Variants in ASTN2 observed in about 807,000 individuals in gnomAD.
ASTN2 encodes astrotactin 2, also known as astrotactin-2.
A neutral mutation model predicts 139.8 loss-of-function variants in ASTN2; 54 were observed. The ratio of observed to expected loss-of-function variants is 0.39; its 90% CI spans 0.31 to 0.48. The LOEUF (loss-of-function observed/expected upper bound fraction) is 0.48, where lower values mean the gene tolerates loss of function less well. Ranked by LOEUF, ASTN2 falls within the 20% of genes least tolerant of loss-of-function variation. The pLI, the probability that ASTN2 is intolerant of heterozygous loss-of-function variation, is 0.95. For missense variants in ASTN2, 1,565 were observed against 1,725.1 expected, an observed-to-expected ratio of 0.91 and a Z score of 1.64; for synonymous variants, 756 against 719.5, an observed-to-expected ratio of 1.05 and a Z score of -0.81.
intron 5 of ASTN2, among the ~76,000 whole-genome samples, chr9:117,092,362 A>G (rs1276562879): frequency 6.6e-6 from 1 of 151,998 alleles, no homozygotes; most frequent in Non-Finnish European, 1.5e-5. Flanking sequence ...CTCCTCTTAA[A>G]TCTCTACTTA....
chr9:116,961,379 C>T (rs964118305), intron 10 of ASTN2, among the ~76,000 whole-genome samples: 6 of 152,060 alleles, frequency 3.9e-5, no homozygotes, highest in African/African-American at 9.7e-5. Flanking sequence ...CTCCATTCTC[C>T]CCTCCCCCAA....
chr9:117,111,045 G>A (rs1349275934), intron 4 of ASTN2, among the ~76,000 whole-genome samples: 2 of 152,210 alleles, frequency 1.3e-5, no homozygotes, highest in African/African-American at 4.8e-5. Flanking sequence ...GATTTGAGCT[G>A]CTGCTCACCA....
At chr9:116,887,983 T>A (rs1251213441) in intron 10 of ASTN2, among the ~76,000 whole-genome samples, 1 of 152,204 alleles carries the variant, frequency 6.6e-6, no homozygotes. Flanking sequence ...GTGATTTACA[T>A]CTTAAAGGAT....
chr9:116,551,942 G>A (rs1852367638), intron 19 of ASTN2, among the ~76,000 whole-genome samples: 1 of 152,230 alleles, frequency 6.6e-6, no homozygotes, highest in Non-Finnish European at 1.5e-5. Context: ...AGCCAAATTT[G>A]TAGCTCTATC....
intron 1 of ASTN2, among the ~76,000 whole-genome samples, chr9:117,336,453 G>A (rs1170959569): frequency 6.6e-6 from 1 of 152,120 alleles, no homozygotes; most frequent in Non-Finnish European, 1.5e-5. Flanking sequence ...ACCCGATGCA[G>A]CGCTTCCCTA....
intron 20 of ASTN2, among the ~76,000 whole-genome samples, chr9:116,458,238 AAG>A (rs1343537182): frequency 5.3e-5 from 8 of 151,934 alleles, no homozygotes; most frequent in Non-Finnish European, 7.4e-5. Flanking sequence ...AGAAGGGGAA[AAG>A]AGGGGTTGGT....
chr9:116,609,322 C>CTA (rs199622984), intron 19 of ASTN2, among the ~76,000 whole-genome samples: 9,261 of 104,494 alleles, frequency 0.089, 345 homozygotes, highest in Middle Eastern at 0.11. Flanking sequence ...CTCTCTCTCT[C>CTA]TCTCTCTATA....
At chr9:117,037,246 C>T (rs991686291) in intron 6 of ASTN2, among the ~76,000 whole-genome samples, 4 of 152,048 alleles carry the variant, frequency 2.6e-5, no homozygotes, top group African/African-American at 4.8e-5. Flanking sequence ...ATTGGGCACA[C>T]CGAGAAAGGG....
chr9:116,579,690 G>A lies in ASTN2; in HGVS notation c.3355+38634C>T, dbSNP rs1323853564. On this transcript the variant is annotated intron_variant, in intron 19 of 22. Transcript: ENST00000313400. ...AAGCCCAGGAATTTGAGACCAGACTGGGCAATATAGTGAGACCCCATCTCA... is the reference window on the plus strand; with the variant it reads ...AAGCCCAGGAATTTGAGACCAGACTAGGCAATATAGTGAGACCCCATCTCA... 3.3e-5 allele frequency among the ~76,000 whole-genome samples: 5 copies of A among 152,190 alleles called. No individual in the cohort carries two copies. The South Asian group carries it at 6.2e-4, about 19-fold the overall frequency.
intron 12 of ASTN2, among the ~76,000 whole-genome samples, chr9:116,818,625 C>T (rs1468357684): frequency 6.6e-6 from 1 of 152,164 alleles, no homozygotes; most frequent in Admixed American, 6.5e-5. Context: ...ACAGATTAGT[C>T]CTGTCTAGTG....
At chr9:117,352,890 G>T (rs546846587) in intron 1 of ASTN2, among the ~76,000 whole-genome samples, 2 of 152,258 alleles carry the variant, frequency 1.3e-5, no homozygotes, top group Admixed American at 1.3e-4. Flanking sequence ...AAGACACTAG[G>T]CTAAGTGATA....
chr9:116,570,391 G>T (rs1853449793), intron 19 of ASTN2, among the ~76,000 whole-genome samples: 1 of 142,304 alleles, frequency 7.0e-6, no homozygotes. Flanking sequence ...AGGGCTTTTA[G>T]TCTCTTTTTT....
chr9:116,692,593 T>C (rs556969305), intron 16 of ASTN2, among the ~76,000 whole-genome samples: 1 of 152,242 alleles, frequency 6.6e-6, no homozygotes, highest in African/African-American at 2.4e-5. Context: ...CCACAATAAG[T>C]AGTAGAGCTT....
chr9:116,434,171 C>T (rs780586900), intron 22 of ASTN2, among the ~76,000 whole-genome samples: 3 of 152,112 alleles, frequency 2.0e-5, no homozygotes, highest in Non-Finnish European at 4.4e-5. Flanking sequence ...GCTTTAATAA[C>T]AGCCATTCAA....
chr9:117,219,387 C>T (rs189429701), intron 2 of ASTN2, among the ~76,000 whole-genome samples: 46 of 152,154 alleles, frequency 3.0e-4, no homozygotes, highest in Middle Eastern at 3.4e-3. Flanking sequence ...AAATGCTGCA[C>T]GGCAAAAGGG....
At chr9:116,714,648 C>G (rs939255873) in intron 16 of ASTN2, among the ~76,000 whole-genome samples, 3 of 152,156 alleles carry the variant, frequency 2.0e-5, no homozygotes, top group African/African-American at 7.2e-5. Context: ...GAGAATGGAA[C>G]AGATGACACA....
At chr9:116,939,336 A>G in intron 10 of ASTN2, among the ~76,000 whole-genome samples, 1 of 152,260 alleles carries the variant, frequency 6.6e-6, no homozygotes, top group East Asian at 1.9e-4. Context: ...TTATAACAAT[A>G]AAATTATTGT....
Position 116,752,624 on chromosome 9 carries a change from A to T in ASTN2, c.2397-19101T>A, listed in dbSNP as rs150777250. On this transcript the variant is annotated intron_variant, in intron 13 of 22. Transcript: ENST00000313400. Reference sequence around the variant, plus strand: ...GACTGGGAATATTTACAAAACATACATCTGCTAAAGGATATCCAAAATATA... The same window carrying T: ...GACTGGGAATATTTACAAAACATACTTCTGCTAAAGGATATCCAAAATATA... Among the ~76,000 whole-genome samples, 1,662 of 152,306 alleles carry T rather than the reference A, an allele frequency of 0.011. 68 individuals carry two copies. In the South Asian group the frequency reaches 0.16, roughly 15 times the overall value.
intron 10 of ASTN2, among the ~76,000 whole-genome samples, chr9:116,879,991 T>G (rs1833410063): frequency 6.6e-6 from 1 of 152,174 alleles, no homozygotes; most frequent in South Asian, 2.1e-4. Context: ...AAAAATCAAT[T>G]GTAACATAAT....
Sources: allele counts gnomAD v4.1 joint callset (sites outside exome capture counted in the v4.1 genomes callset), GRCh38; gene constraint gnomAD v4.1.1; transcripts MANE v1.5; gene names NCBI Gene and HGNC (gene_info 2026-07-23, HGNC 2026-07-21).